Variants in DCT observed in about 807,000 individuals in gnomAD.
The protein encoded by DCT is L-dopachrome tautomerase.
A neutral mutation model predicts 53.0 loss-of-function variants in DCT; 47 were observed. The observed-to-expected ratio is 0.89, with a 90% CI of 0.70 to 1.13. The LOEUF (loss-of-function observed/expected upper bound fraction) is 1.13, where lower values mean the gene tolerates loss of function less well. Among genes scored for constraint, DCT ranks in the 50% most tolerant of loss-of-function variants. The pLI is 0.00. For missense variants in DCT, 669 were observed against 637.4 expected (o/e 1.05, Z -0.53); for synonymous variants, 244 against 237.0 (o/e 1.03, Z -0.27).
chr13:94,479,835 A>G (rs2139385213), upstream of DCT, among the ~76,000 whole-genome samples: 1 of 152,306 alleles, frequency 6.6e-6, no homozygotes, highest in Admixed American at 6.5e-5. Flanking sequence ...TGCACAATAA[A>G]GGAGATCACT....
chr13:94,533,641 C>T, the DCT span, among the ~76,000 whole-genome samples: 5 of 152,008 alleles, frequency 3.3e-5, no homozygotes, highest in Non-Finnish European at 7.4e-5. Context: ...AAAAATCAGC[C>T]GGGTGTGGTG....
chr13:94,479,404 A>C lies in DCT; in HGVS notation c.-149T>G. The stretch of plus-strand genomic sequence containing the variant: ...TTCCTTTCTTCTTAAAAAAATACCC[A>C]CAAGAATCACAGAGGTTACATGTGT... On this transcript the variant is annotated 5_prime_UTR_variant, in exon 1 of 8. Transcript: ENST00000377028. 1 of 748,772 alleles carries C rather than the reference A, an allele frequency of 1.3e-6. No homozygotes were observed. The highest frequency in any genetic ancestry group is 2.1e-6 in the Non-Finnish European group (1 of 475,184). 46.4% of individuals were successfully genotyped at this position (748,772 alleles called of 1,614,324 possible).
the DCT span, among the ~76,000 whole-genome samples, chr13:94,485,716 T>G: frequency 6.6e-6 from 1 of 152,064 alleles, no homozygotes; most frequent in South Asian, 2.1e-4. Flanking sequence ...GAAAACAAAA[T>G]GGGACAGGAA....
At chr13:94,442,434 G>C in intron 7 of DCT, among the ~76,000 whole-genome samples, 1 of 152,094 alleles carries the variant, frequency 6.6e-6, no homozygotes, top group African/African-American at 2.4e-5. Flanking sequence ...AGCCTCCCGA[G>C]TGGCTGAGAC....
chr13:94,504,358 G>GTTGT, the DCT span, among the ~76,000 whole-genome samples: 1 of 152,062 alleles, frequency 6.6e-6, no homozygotes, highest in African/African-American at 2.4e-5. Flanking sequence ...TAGTTTTTTT[G>GTTGT]TTGTTTGTTT....
the DCT span, among the ~76,000 whole-genome samples, chr13:94,522,892 C>G: frequency 6.6e-6 from 1 of 152,216 alleles, no homozygotes; most frequent in African/African-American, 2.4e-5. Flanking sequence ...TTTCCTGGTA[C>G]AGTCAAGCTG....
At chr13:94,541,856 C>T in the DCT span, among the ~76,000 whole-genome samples, 1 of 152,278 alleles carries the variant, frequency 6.6e-6, no homozygotes, top group East Asian at 1.9e-4. Context: ...ACCACACAAA[C>T]GTGGAGGGAA....
the DCT span, among the ~76,000 whole-genome samples, chr13:94,485,388 C>T: frequency 6.6e-6 from 1 of 152,100 alleles, no homozygotes; most frequent in Non-Finnish European, 1.5e-5. Context: ...GTCTGCTTGT[C>T]CACAATGGAG....
rs984593533 is a variant in DCT, at chr13:94,438,690, A to G, written c.*1208T>C. On this transcript the variant is annotated 3_prime_UTR_variant, in exon 8 of 8. Transcript: ENST00000377028. ...TCTCTGAAGTGGGGTCCATCATGATAAGTCTGAACATCGTAGTAAAGATTG... is the reference window on the plus strand; with the variant it reads ...TCTCTGAAGTGGGGTCCATCATGATGAGTCTGAACATCGTAGTAAAGATTG... 6 of 455,514 alleles carry G rather than the reference A, an allele frequency of 1.3e-5. No homozygotes were observed. The highest frequency in any genetic ancestry group is 6.0e-5 in the African/African-American group (3 of 50,056). The allele number at this position is 455,514 out of a possible 1,614,324, so 28.2% of individuals were successfully genotyped here. A position where few individuals can be genotyped will look rare whatever the true frequency, so the allele number is the denominator to read the frequency against.
At chr13:94,499,143 A>C in the DCT span, among the ~76,000 whole-genome samples, 9,324 of 152,234 alleles carry the variant, frequency 0.061, 348 homozygotes, top group Non-Finnish European at 0.077. Flanking sequence ...TTTGGGTCCA[A>C]ACCACCTGTA....
the DCT span, among the ~76,000 whole-genome samples, chr13:94,529,864 A>G: frequency 1.3e-5 from 2 of 152,224 alleles, no homozygotes; most frequent in Non-Finnish European, 2.9e-5. Flanking sequence ...TGGTTCTTTG[A>G]AAAGATCAAC....
chr13:94,538,703 T>G, the DCT span, among the ~76,000 whole-genome samples: 8 of 152,188 alleles, frequency 5.3e-5, no homozygotes, highest in Non-Finnish European at 1.2e-4. Context: ...CAAATACAAC[T>G]GAGACCTCAG....
intron 1 of DCT, among the ~76,000 whole-genome samples, chr13:94,477,920 G>A (rs1885202487): frequency 6.6e-6 from 1 of 152,294 alleles, no homozygotes; most frequent in Admixed American, 6.5e-5. Context: ...CAGGCTTTGA[G>A]TGTTTATTCC....
the DCT span, among the ~76,000 whole-genome samples, chr13:94,547,170 G>A: frequency 4.8e-3 from 732 of 151,432 alleles, 17 homozygotes; most frequent in Admixed American, 0.042. Flanking sequence ...AGGCTGGAGC[G>A]CAGTGGCATA....
chr13:94,535,139 T>A, the DCT span, among the ~76,000 whole-genome samples: 10 of 152,350 alleles, frequency 6.6e-5, no homozygotes, highest in African/African-American at 2.4e-4. Context: ...CTGGCCTTAC[T>A]TGAGAAATTT....
chr13:94,493,987 C>G, the DCT span, among the ~76,000 whole-genome samples: 2 of 152,116 alleles, frequency 1.3e-5, no homozygotes, highest in Non-Finnish European at 2.9e-5. Flanking sequence ...TTTTGTAAAG[C>G]TAAAACTGCT....
the DCT span, among the ~76,000 whole-genome samples, chr13:94,499,705 G>T: frequency 1.1e-4 from 17 of 152,066 alleles, no homozygotes; most frequent in African/African-American, 3.9e-4. Flanking sequence ...GGAATGATTT[G>T]ACTCCCAGAG....
chr13:94,438,728 T>G lies in DCT; in HGVS notation c.*1170A>C. On this transcript the variant is annotated 3_prime_UTR_variant, in exon 8 of 8. Transcript: ENST00000377028. ...GTAGTAAAGATTGTCTCATTCTTATTCCTCATGATCTGATGATTGCATAGC... is the reference window on the plus strand; with the variant it reads ...GTAGTAAAGATTGTCTCATTCTTATGCCTCATGATCTGATGATTGCATAGC... 1 of 449,436 alleles carries G rather than the reference T, an allele frequency of 2.2e-6. No homozygotes were observed. Among genetic ancestry groups the G allele is most frequent in the South Asian group, 1.6e-5 (1 of 62,850 alleles). 27.8% of individuals were successfully genotyped at this position (449,436 alleles called of 1,614,324 possible).
intron 1 of DCT, among the ~76,000 whole-genome samples, chr13:94,476,522 G>A (rs1165605643): frequency 3.4e-5 from 5 of 147,372 alleles, no homozygotes; most frequent in African/African-American, 1.3e-4. Context: ...TGTTGCCCAG[G>A]CTGCGTGCAG....
Sources: allele counts gnomAD v4.1 joint callset (sites outside exome capture counted in the v4.1 genomes callset), GRCh38; gene constraint gnomAD v4.1.1; transcripts MANE v1.5; gene names NCBI Gene and HGNC (gene_info 2026-07-23, HGNC 2026-07-21).